AMOTL1: variants seen among roughly 807,000 people sequenced by gnomAD.
AMOTL1 encodes the protein angiomotin like 1.
AMOTL1 carries 45 observed loss-of-function variants against 102.9 expected under a neutral mutation model. The ratio of observed to expected loss-of-function variants is 0.44; its 90% CI spans 0.34 to 0.56. AMOTL1 has a LOEUF of 0.56. Ranked by LOEUF, AMOTL1 falls within the 20% of genes least tolerant of loss-of-function variation. The pLI, the probability that AMOTL1 is intolerant of heterozygous loss-of-function variation, is 0.01. For missense variants in AMOTL1, 1,114 were observed against 1,225.6 expected, an observed-to-expected ratio of 0.91 and a Z score of 1.36; for synonymous variants, 481 against 484.7, an observed-to-expected ratio of 0.99 and a Z score of 0.10.
intron 3 of AMOTL1, among the ~76,000 whole-genome samples, chr11:94,746,731 G>T (rs1438113580): frequency 6.6e-6 from 1 of 152,058 alleles, no homozygotes; most frequent in Non-Finnish European, 1.5e-5. Context: ...CACATCTCTG[G>T]CATGTGGACC....
chr11:94,783,159 A>G (rs1177290121), intron 1 of AMOTL1, among the ~76,000 whole-genome samples: 1 of 152,200 alleles, frequency 6.6e-6, no homozygotes, highest in Admixed American at 6.5e-5. Context: ...GTTGAATCAT[A>G]GTTTTATTCT....
At chr11:94,829,907 A>G (rs778774054) in intron 4 of AMOTL1, 143 bp from the exon 5 acceptor site, 3 of 754,388 alleles carry the variant, frequency 4.0e-6, no homozygotes, top group South Asian at 4.2e-5. Flanking sequence ...TCGATTATAC[A>G]GTTTGGTACA....
chr11:94,811,701 C>T (rs1169906094), intron 3 of AMOTL1, among the ~76,000 whole-genome samples: 3 of 152,032 alleles, frequency 2.0e-5, no homozygotes, highest in African/African-American at 7.2e-5. Flanking sequence ...AAACAAGCAA[C>T]AACAACAACA....
In AMOTL1 at chr11:94,831,483, C is replaced by T; in HGVS notation, c.1590C>T (p.Ser530=). The stretch of plus-strand genomic sequence containing the variant: ...TAGAGACTGCTAACAGGCAACTATC[C>T]AGCAGGGAATACGAAGGGCATGAAG... The part of the protein sequence containing the change: ...DRLETANRQL[S]SREYEGHEDK... The change falls in exon 6 of 13, where the codon TCC becomes TCT. Residue 530 remains serine (S), a synonymous_variant. Transcript: ENST00000433060. The T allele has an allele frequency of 4.3e-6, 7 of 1,613,794 alleles. No individual in the cohort carries two copies. Among genetic ancestry groups the T allele is most frequent in the Non-Finnish European group, 5.9e-6 (7 of 1,179,734 alleles).
chr11:94,802,172 T>G (rs972253225), intron 3 of AMOTL1, among the ~76,000 whole-genome samples: 3 of 152,156 alleles, frequency 2.0e-5, no homozygotes, highest in African/African-American at 7.2e-5. Flanking sequence ...ATAACCGGAC[T>G]CCTCCCAGGA....
At chr11:94,723,395 G>T (rs561196985) in intron 1 of AMOTL1, among the ~76,000 whole-genome samples, 70 of 152,264 alleles carry the variant, frequency 4.6e-4, no homozygotes, top group Non-Finnish European at 4.4e-4. Context: ...GAGATGAAAA[G>T]CCTGAGTCGC....
At chr11:94,843,828 C>A (rs1952352812) in intron 6 of AMOTL1, among the ~76,000 whole-genome samples, 1 of 152,118 alleles carries the variant, frequency 6.6e-6, no homozygotes, top group Admixed American at 6.5e-5. Flanking sequence ...ACTAGCTGGG[C>A]AGATAGCATG....
At chr11:94,744,851 C>A (rs186097096) in intron 3 of AMOTL1, among the ~76,000 whole-genome samples, 2 of 152,056 alleles carry the variant, frequency 1.3e-5, no homozygotes, top group African/African-American at 2.4e-5. Flanking sequence ...GAACCTGGTA[C>A]AAAGTAAGTG....
At chr11:94,867,337 A>AGCTAGAGAGCTGGGAGGCAGT (rs1161703025) in intron 11 of AMOTL1, among the ~76,000 whole-genome samples, 1 of 152,184 alleles carries the variant, frequency 6.6e-6, no homozygotes, top group Non-Finnish European at 1.5e-5. Context: ...CTCCCACCCC[A>AGCTAGAGAGCTGGGAGGCAGT]GCTAGAGAGC....
chr11:94,845,231 T>C (rs1952384301), intron 6 of AMOTL1, among the ~76,000 whole-genome samples: 1 of 152,194 alleles, frequency 6.6e-6, no homozygotes, highest in South Asian at 2.1e-4. Context: ...CTTGGAACCT[T>C]ACCCAGAACT....
intron 1 of AMOTL1, among the ~76,000 whole-genome samples, chr11:94,782,874 A>C (rs1042185552): frequency 6.6e-6 from 1 of 152,268 alleles, no homozygotes; most frequent in Non-Finnish European, 1.5e-5. Context: ...AATTTGCAAA[A>C]TTATAAAAAA....
At chr11:94,828,533 C>G (rs1481220301) in intron 4 of AMOTL1, among the ~76,000 whole-genome samples, 2 of 152,134 alleles carry the variant, frequency 1.3e-5, no homozygotes, top group African/African-American at 4.8e-5. Flanking sequence ...TCCTTCTGGC[C>G]CTACCTCCTG....
chr11:94,707,250 CTG>C (rs71459746), intron 1 of AMOTL1, among the ~76,000 whole-genome samples: 144 of 71,786 alleles, frequency 2.0e-3, no homozygotes, highest in African/African-American at 5.2e-3. Flanking sequence ...CTCTCTCTCT[CTG>C]TGTGTGTGTG....
intron 1 of AMOTL1, among the ~76,000 whole-genome samples, chr11:94,708,694 T>A (rs1949971303): frequency 2.6e-5 from 4 of 152,214 alleles, no homozygotes; most frequent in Admixed American, 2.6e-4. Flanking sequence ...AAACTATCTG[T>A]AGTTGGCATG....
rs374419078 is a variant in AMOTL1 at position 94,728,229 on chromosome 11, G to C, written c.-50-692G>C. Among the ~76,000 whole-genome samples the C allele has an allele frequency of 2.8e-4, 42 of 152,166 alleles. 1 individual carries two copies. The highest frequency in any genetic ancestry group is 9.1e-4 in the African/African-American group (38 of 41,542). Reference sequence around the variant, plus strand: ...TTGGCCATGAGTTGTAATCAGCCCAGGTACAGTTTGCATATAGAGAGATTC... The same window carrying C: ...TTGGCCATGAGTTGTAATCAGCCCACGTACAGTTTGCATATAGAGAGATTC... On this transcript the variant is annotated intron_variant, in intron 1 of 4. Coordinates refer to the AMOTL1 transcript ENST00000299004.
At chr11:94,816,000 G>A (rs182301789) in intron 3 of AMOTL1, among the ~76,000 whole-genome samples, 10 of 152,190 alleles carry the variant, frequency 6.6e-5, no homozygotes, top group African/African-American at 2.4e-4. Context: ...ATTTATAATG[G>A]TCTTTCTAGA....
intron 3 of AMOTL1, among the ~76,000 whole-genome samples, chr11:94,820,805 C>A (rs933103992): frequency 8.5e-5 from 13 of 152,104 alleles, no homozygotes; most frequent in East Asian, 5.8e-4. Context: ...GAACAAACAA[C>A]CTAGATCCCC....
chr11:94,808,911 T>A (rs1951615120), intron 3 of AMOTL1, among the ~76,000 whole-genome samples: 1 of 151,714 alleles, frequency 6.6e-6, no homozygotes, highest in Non-Finnish European at 1.5e-5. Flanking sequence ...TATTAAAAAC[T>A]CTCAGTGAGG....
rs1469789640 is a variant in AMOTL1, at chr11:94,799,420, C to A, written c.230C>A (p.Pro77Gln). 1.9e-6 allele frequency: 3 copies of A among 1,588,812 alleles called. No homozygotes were observed. The highest frequency in any genetic ancestry group is 2.6e-6 in the Non-Finnish European group (3 of 1,166,580). Residue 77 changes from proline to glutamine, a missense_variant, in exon 3 of 13, where the codon CCA (proline) becomes CAA (glutamine). Pro to Gln is a moderately conservative substitution (Grantham distance 76, BLOSUM62 -1). Coordinates refer to ENST00000433060, the MANE Select transcript of AMOTL1 (RefSeq NM_130847.3). The surrounding 1 kb of genome is among the most constrained non-coding windows in gnomAD (Gnocchi z 4.5). ...GATCCTCTTTGTAACTTCCACTCCC[C>A]AAACTTCCTGAGGATCTCAGAGGTG... is the stretch of plus-strand genomic sequence containing the variant. Reference protein sequence around the residue: ...VEDPLCNFHSPNFLRISEVEM... With the variant: ...VEDPLCNFHSQNFLRISEVEM...
Sources: allele counts gnomAD v4.1 joint callset (sites outside exome capture counted in the v4.1 genomes callset), GRCh38; gene constraint gnomAD v4.1.1; non-coding constraint Gnocchi (gnomAD v3.1); transcripts MANE v1.5; gene names NCBI Gene and HGNC (gene_info 2026-07-23, HGNC 2026-07-21).